The following DOCK9 variants were observed in gnomAD, a reference collection of about 807,000 sequenced individuals.
DOCK9 encodes dedicator of cytokinesis 9, also known as dedicator of cytokinesis protein 9.
DOCK9 carries 89 observed loss-of-function variants against 263.3 expected under a neutral mutation model. The observed-to-expected ratio is 0.34, with a 90% confidence interval of 0.28 to 0.40. DOCK9 has a LOEUF of 0.40. Ranked by LOEUF, DOCK9 falls within the 10% of genes least tolerant of loss-of-function variation. The pLI is 1.00. For synonymous variants in DOCK9, 976 were observed against 973.1 expected (o/e 1.00, Z -0.06); for missense variants, 2,140 against 2,603.4 (o/e 0.82, Z 3.87).
Position 98,925,873 on chromosome 13 carries a change from T to C in DOCK9, c.380A>G (p.Tyr127Cys), listed in dbSNP as rs1269033802. The change falls in exon 4 of 53, where the codon TAT becomes TGT. Residue 127 changes from tyrosine (Y) to cysteine (C), a missense_variant. Transcript: ENST00000682017. ...NSDWHLVNYK[Y>C]EDYSGEFRQL... is the part of the protein sequence containing the mutation. Reference sequence around the variant, plus strand: ...TCGAAACTCTCCTGAGTAATCTTCATATTTATAGTTCACAAGATGCCAGTC... The same window carrying C: ...TCGAAACTCTCCTGAGTAATCTTCACATTTATAGTTCACAAGATGCCAGTC... 3.8e-6 allele frequency: 6 copies of C among 1,585,386 alleles called. No individual in the cohort carries two copies. Among genetic ancestry groups the C allele is most frequent in the Middle Eastern group, 1.7e-4 (1 of 6,058 alleles).
chr13:98,926,962 C>A (rs1183817644), intron 3 of DOCK9, among the ~76,000 whole-genome samples: 1 of 152,266 alleles, frequency 6.6e-6, no homozygotes, highest in Non-Finnish European at 1.5e-5. Flanking sequence ...GCCTGAAGGT[C>A]TTCTGAAGCA....
chr13:98,864,644 G>T (rs1486898144), intron 30 of DOCK9, among the ~76,000 whole-genome samples: 1 of 152,158 alleles, frequency 6.6e-6, no homozygotes, highest in Non-Finnish European at 1.5e-5. Flanking sequence ...ACTACTTATG[G>T]TTTAACTGGG....
At chr13:98,892,773 G>A (rs1192419901) in intron 15 of DOCK9, among the ~76,000 whole-genome samples, 1 of 152,186 alleles carries the variant, frequency 6.6e-6, no homozygotes, top group East Asian at 1.9e-4. Flanking sequence ...AGAAGGCAGA[G>A]TATCTAGATC....
chr13:98,829,476 C>T lies in DOCK9; in HGVS notation c.4796G>A (p.Arg1599His), dbSNP rs764110522. 17 of 1,613,708 alleles carry T rather than the reference C, an allele frequency of 1.1e-5. No individual in the cohort carries two copies. The highest frequency in any genetic ancestry group is 2.7e-5 in the African/African-American group (2 of 74,888). ...CTGGGCGGTGGCCATTAGCACCGTG[C>T]GTATCCTTTTGGTTAAGTCCTTCAC... ...SDVKDLTKRI[R>H]TVLMATAQMK... The change falls in exon 43 of 53, where the codon CGC becomes CAC. Residue 1599 changes from arginine to histidine, a missense_variant. Around this residue, in one of 2 missense-constraint regions of DOCK9, gnomAD observed 619 missense variants for 861.8 expected, o/e 0.72. Transcript: ENST00000682017. The surrounding 1 kb of genome is among the most constrained non-coding windows in gnomAD (Gnocchi z 4.1).
In DOCK9 at chr13:99,064,336, G is replaced by A. The variant is rs534848591; in HGVS notation, c.129+21887C>T. Among the ~76,000 whole-genome samples, 4 of 152,322 alleles carry A rather than the reference G, an allele frequency of 2.6e-5. No homozygotes were observed. The South Asian group carries it at 6.2e-4, about 24-fold the overall frequency. ...CTATATTGATAAATAACAGGTGGCGGTGACAGTATTTGGATATCAAAGGAA... is the reference window on the plus strand; with the variant it reads ...CTATATTGATAAATAACAGGTGGCGATGACAGTATTTGGATATCAAAGGAA... On this transcript the variant is annotated intron_variant, in intron 1 of 32. Transcript: ENST00000427887.
At position 98,800,428 on chromosome 13, in the gene DOCK9, G is replaced by A. The variant is rs1343938332; in HGVS notation, c.5776C>T (p.His1926Tyr). Residue 1926 changes from histidine to tyrosine, a missense_variant, in exon 50 of 53, where the codon CAC becomes TAC. Physicochemically the swap from His to Tyr is moderately conservative, Grantham distance 83. Transcript: ENST00000682017. ...VKKRIPVMYQ[H>Y]HTDLNPIEVA... ...TCGATGGGGTTCAGGTCAGTGTGGT[G>A]CTGGTACATGACAGGGATGCGCTTC... 1 of 1,614,030 alleles carries A rather than the reference G, an allele frequency of 6.2e-7. No homozygotes were observed. Among genetic ancestry groups the A allele is most frequent in the Non-Finnish European group, 8.5e-7 (1 of 1,179,894 alleles).
chr13:98,904,685 T>C lies in DOCK9; in HGVS notation c.982A>G (p.Lys328Glu). The C allele has an allele frequency of 6.4e-7, 1 of 1,556,618 alleles. No homozygotes were observed. The highest frequency in any genetic ancestry group is 8.7e-7 in the Non-Finnish European group (1 of 1,148,978). ...LAKSAREAEI[K>E]LKSESRVKLF... Reference sequence around the variant, plus strand: ...TTGACTCTGCTTTCACTTTTCAGTTTGATTTCTGCTTCTCTTGCACTCTGA... The same window carrying C: ...TTGACTCTGCTTTCACTTTTCAGTTCGATTTCTGCTTCTCTTGCACTCTGA... The change falls in exon 10 of 53, where the codon AAA becomes GAA. Residue 328 changes from lysine to glutamate, a missense_variant. Transcript: ENST00000682017.
intron 40 of DOCK9, 57 bp downstream of exon 40, chr13:98,831,592 C>T (rs1373552541): frequency 6.3e-5 from 101 of 1,598,744 alleles, no homozygotes; most frequent in Non-Finnish European, 8.4e-5. Context: ...GGTAATGTAC[C>T]CTTCAATTCC....
Position 98,955,444 on chromosome 13 carries a change from A to G in DOCK9, c.234T>C (p.Asp78=). 1 of 1,583,160 alleles carries G rather than the reference A, an allele frequency of 6.3e-7. No individual in the cohort carries two copies. Among genetic ancestry groups the G allele is most frequent in the Non-Finnish European group, 8.6e-7 (1 of 1,162,422 alleles). Residue 78 remains aspartate (D), a synonymous_variant, in exon 2 of 53, where the codon GAT becomes GAC. Coordinates refer to ENST00000682017, the MANE Select transcript of DOCK9 (RefSeq NM_001366683.2). ...CLREMLLFPY[D]DFQTAILRRQ... ...ACATAACGTTACTTACCTGAAAGTC[A>G]TCGTAAGGGAAGAGCAGCATCTCCC...
chr13:98,829,859 G>C lies in DOCK9; in HGVS notation c.4636-103C>G. 1 of 921,540 alleles carries C rather than the reference G, an allele frequency of 1.1e-6. No homozygotes were observed. The allele number at this position is 921,540 out of a possible 1,614,324, so 57.1% of individuals were successfully genotyped here. ...ATGTGCCTAAGGACCCAGCAAAGTG[G>C]GGGTTGGGGGGTGCTTTGAGCAGGG... is the stretch of plus-strand genomic sequence containing the variant. On this transcript the variant is annotated intron_variant, in intron 41 of 52. Transcript: ENST00000682017. This position sits in a 1 kb window ranked among gnomAD's most constrained non-coding sequence, Gnocchi z 4.1.
chr13:98,921,916 G>C lies in DOCK9; in HGVS notation c.582+135C>G, dbSNP rs2052071015. 25 of 769,344 alleles carry C rather than the reference G, an allele frequency of 3.2e-5. No homozygotes were observed. The South Asian group carries it at 4.4e-4, about 14-fold the overall frequency. 47.7% of individuals were successfully genotyped at this position (769,344 alleles called of 1,614,324 possible). A position where few individuals can be genotyped will look rare whatever the true frequency, so the allele number is the denominator to read the frequency against. ...GTGCCAATGGGGGTGCTATCACCAGGGGAGCATCCTAGGAATCAGACAATG... is the reference window on the plus strand; with the variant it reads ...GTGCCAATGGGGGTGCTATCACCAGCGGAGCATCCTAGGAATCAGACAATG... On this transcript the variant is annotated intron_variant, in intron 6 of 52. Transcript: ENST00000682017.
intron 1 of DOCK9, among the ~76,000 whole-genome samples, chr13:99,034,112 C>T (rs764180066): frequency 5.9e-5 from 9 of 152,192 alleles, no homozygotes; most frequent in Non-Finnish European, 1.2e-4. Flanking sequence ...CTATCCCATA[C>T]CTCATATCCA....
chr13:98,901,498 C>A (rs1321354845), intron 13 of DOCK9, among the ~76,000 whole-genome samples: 2 of 152,122 alleles, frequency 1.3e-5, no homozygotes, highest in Non-Finnish European at 2.9e-5. Flanking sequence ...ATACATGTAC[C>A]TTCTAACACA....
rs574655377 is a variant in DOCK9, at chr13:99,005,559, G to C, written c.130-50008C>G. The stretch of plus-strand genomic sequence containing the variant: ...AAGAACATAAAATATAATAAAGGCA[G>C]TATCACAAACCACTGAGTAAGGAAT... On this transcript the variant is annotated intron_variant, in intron 1 of 32. Coordinates refer to the DOCK9 transcript ENST00000427887. 2.4e-4 allele frequency among the ~76,000 whole-genome samples: 36 copies of C among 152,248 alleles called. 1 individual carries two copies. The highest frequency in any genetic ancestry group is 8.7e-4 in the African/African-American group (36 of 41,562).
At chr13:98,862,235 T>C (rs1046697254) in intron 32 of DOCK9, among the ~76,000 whole-genome samples, 1 of 152,206 alleles carries the variant, frequency 6.6e-6, no homozygotes, top group African/African-American at 2.4e-5. Flanking sequence ...GGGGTGTGTG[T>C]ACTGGGTTGA....
chr13:98,883,112 A>C lies in DOCK9; in HGVS notation c.2489T>G (p.Phe830Cys). ...TTCGGTTTTCTGACAGTACTGGAAA[A>C]AATTATGTAAATGCTGATCCTGAGG... ...VYTQDQHLHNFFQYCQKTESG... is the reference protein window; with the variant it reads ...VYTQDQHLHNCFQYCQKTESG... Residue 830 changes from phenylalanine (F) to cysteine (C), a missense_variant, in exon 23 of 53, where the codon TTT (phenylalanine) becomes TGT (cysteine). Phe to Cys is a radical substitution (Grantham distance 205). Coordinates refer to ENST00000682017, the MANE Select transcript of DOCK9 (RefSeq NM_001366683.2). 6.2e-7 allele frequency: 1 copy of C among 1,613,862 alleles called. No individual in the cohort carries two copies. Among genetic ancestry groups the C allele is most frequent in the Non-Finnish European group, 8.5e-7 (1 of 1,179,802 alleles).
intron 2 of DOCK9, among the ~76,000 whole-genome samples, chr13:98,951,791 A>G (rs1183395510): frequency 6.6e-6 from 1 of 152,242 alleles, no homozygotes; most frequent in Non-Finnish European, 1.5e-5. Flanking sequence ...CCCAAGCGAC[A>G]GGATCTGATT....
In DOCK9 at chr13:98,807,712, G is replaced by A. The variant is rs774294678; in HGVS notation, c.5463C>T (p.Tyr1821=). The A allele has an allele frequency of 6.2e-7, 1 of 1,613,386 alleles. No homozygotes were observed. The highest frequency in any genetic ancestry group is 1.1e-5 in the South Asian group (1 of 90,952). The part of the protein sequence containing the change: ...SEISQRLLKL[Y]SDKFGSENVK... Reference sequence around the variant, plus strand: ...CATTTTCAGAACCAAATTTATCCGAGTACAGTTTAAGGAGTCTCTGAGAAA... The same window carrying A: ...CATTTTCAGAACCAAATTTATCCGAATACAGTTTAAGGAGTCTCTGAGAAA... The change falls in exon 48 of 53, where the codon TAC becomes TAT. Residue 1821 remains tyrosine, a synonymous_variant. Transcript: ENST00000682017.
At chr13:99,051,855 C>CAAAAAAAAAAAAAAAAAAAAAAA (rs11392986) in intron 1 of DOCK9, among the ~76,000 whole-genome samples, 2 of 106,058 alleles carry the variant, frequency 1.9e-5, no homozygotes, top group Non-Finnish European at 1.9e-5. Flanking sequence ...CCACTAGTGG[C>CAAAAAAAAAAAAAAAAAAAAAAA]AAAAAAAAAA....
Sources: allele counts gnomAD v4.1 joint callset (sites outside exome capture counted in the v4.1 genomes callset), GRCh38; gene constraint gnomAD v4.1.1; regional missense constraint gnomAD v4.1.1; non-coding constraint Gnocchi (gnomAD v3.1); transcripts MANE v1.5; gene names NCBI Gene and HGNC (gene_info 2026-07-23, HGNC 2026-07-21).